C11orf65: variants seen among roughly 807,000 people sequenced by gnomAD.
The protein encoded by C11orf65 is protein MFI.
Under a neutral mutation model 35.3 loss-of-function variants are expected in C11orf65, and 38 were observed. The ratio of observed to expected loss-of-function variants is 1.08; its 90% CI spans 0.83 to 1.41. C11orf65 has a LOEUF of 1.41. Ranked by LOEUF, C11orf65 falls within the 40% of genes most tolerant of loss-of-function variation. The pLI is 0.00. For missense variants in C11orf65, 370 were observed against 367.1 expected, an observed-to-expected ratio of 1.01 and a Z score of -0.06; for synonymous variants, 105 against 114.4, an observed-to-expected ratio of 0.92 and a Z score of 0.53.
chr11:108,402,403 T>G lies in C11orf65; in HGVS notation c.560+3026A>C, dbSNP rs2092454835. Among the ~76,000 whole-genome samples, 8 of 152,276 alleles carry G rather than the reference T, an allele frequency of 5.3e-5. No individual in the cohort carries two copies. The South Asian group carries it at 1.7e-3, about 32-fold the overall frequency. On this transcript the variant is annotated intron_variant, in intron 6 of 8. Coordinates refer to ENST00000393084, the MANE Select transcript of C11orf65 (RefSeq NM_152587.5). Reference sequence around the variant, plus strand: ...TGCCCTTATCTTAGTGCAAAAGACCTGGCAGAGTTAAGCATTTGGTAGTAC... The same window carrying G: ...TGCCCTTATCTTAGTGCAAAAGACCGGGCAGAGTTAAGCATTTGGTAGTAC...
At chr11:108,430,566 G>T (rs1232288755) in intron 3 of C11orf65, among the ~76,000 whole-genome samples, 2 of 152,002 alleles carry the variant, frequency 1.3e-5, no homozygotes, top group Admixed American at 1.3e-4. Context: ...AGACCAATAA[G>T]GGTACGGTGG....
rs185574693 is a variant in C11orf65, at chr11:108,419,298, G to A, written c.175-12149C>T. On this transcript the variant is annotated intron_variant, in intron 3 of 8. Transcript: ENST00000393084. Reference sequence around the variant, plus strand: ...ACCAAAATGTACCTATTCTAGGAACGCTAAGACGATTTAACATTCAAACAA... The same window carrying A: ...ACCAAAATGTACCTATTCTAGGAACACTAAGACGATTTAACATTCAAACAA... Among the ~76,000 whole-genome samples, 29 of 152,254 alleles carry A rather than the reference G, an allele frequency of 1.9e-4. No homozygotes were observed. The East Asian group carries it at 4.4e-3, about 23-fold the overall frequency.
intron 6 of C11orf65, among the ~76,000 whole-genome samples, chr11:108,403,411 T>G (rs868703091): frequency 2.8e-3 from 396 of 143,318 alleles, no homozygotes; most frequent in Middle Eastern, 0.026. Flanking sequence ...TTTGAGAGGT[T>G]TTTTTTTTGT....
At chr11:108,461,181 C>T (rs2093469608) in intron 2 of C11orf65, among the ~76,000 whole-genome samples, 1 of 152,122 alleles carries the variant, frequency 6.6e-6, no homozygotes. Context: ...GAGGGTGGAT[C>T]ACCTGAAGTC....
chr11:108,394,179 CAAAAA>C (rs11387098), intron 6 of C11orf65, among the ~76,000 whole-genome samples: 1 of 82,656 alleles, frequency 1.2e-5, no homozygotes, highest in Non-Finnish European at 2.1e-5. Context: ...GACTCCATCT[CAAAAA>C]AAAAAAAAAA....
intron 3 of C11orf65, among the ~76,000 whole-genome samples, chr11:108,425,613 T>C (rs757223821): frequency 2.0e-5 from 3 of 151,984 alleles, no homozygotes; most frequent in Non-Finnish European, 2.9e-5. Context: ...TTCCAAACAA[T>C]AGAAAAAGAG....
Position 108,406,971 on chromosome 11 carries a change from A to C in C11orf65, c.229-8T>G. 1 of 1,598,288 alleles carries C rather than the reference A, an allele frequency of 6.3e-7. No homozygotes were observed. ...ATCAGGTGGAAATTTAACCTGTAGA[A>C]GGAAAAGTTCAAAGAGCCATTGTAA... On this transcript the variant is annotated splice_polypyrimidine_tract_variant and splice_region_variant and intron_variant, in intron 4 of 8. Transcript: ENST00000393084.
intron 2 of C11orf65, among the ~76,000 whole-genome samples, chr11:108,440,434 G>A (rs1392009127): frequency 6.6e-6 from 1 of 152,170 alleles, no homozygotes; most frequent in African/African-American, 2.4e-5. Context: ...TGGCTCAAGT[G>A]GGGCCCAATA....
chr11:108,347,447 C>A, intron 2 of C11orf65: 1 of 1,143,614 alleles, frequency 8.7e-7, no homozygotes, highest in Non-Finnish European at 1.3e-6. Context: ...CAAGATATTA[C>A]AAATATAAGA....
intron 6 of C11orf65, among the ~76,000 whole-genome samples, chr11:108,400,180 C>G (rs2092412012): frequency 1.3e-5 from 2 of 152,180 alleles, no homozygotes; most frequent in Admixed American, 1.3e-4. Context: ...TACATTAGCT[C>G]TCAAATCGAG....
At chr11:108,399,806 T>C (rs75891865) in intron 6 of C11orf65, among the ~76,000 whole-genome samples, 2,094 of 152,294 alleles carry the variant, frequency 0.014, 48 homozygotes, top group African/African-American at 0.047. Flanking sequence ...TCCATGATCA[T>C]AGCACTTGGT....
chr11:108,335,056 A>G lies in C11orf65; in HGVS notation c.299+164T>C, dbSNP rs758588019. ...CTTAGCAGGAGGTGTAAATTTACCA[A>G]AAATAATAGATTGTGTAGGTTCCGA... is the stretch of plus-strand genomic sequence containing the variant. On this transcript the variant is annotated intron_variant, in intron 3 of 3. Coordinates refer to the C11orf65 transcript ENST00000524755. 2 of 1,614,012 alleles carry G rather than the reference A, an allele frequency of 1.2e-6. No homozygotes were observed. The highest frequency in any genetic ancestry group is 1.7e-6 in the Non-Finnish European group (2 of 1,180,020).
intron 2 of C11orf65, among the ~76,000 whole-genome samples, chr11:108,373,387 T>C (rs227087): frequency 0.54 from 81,672 of 152,068 alleles, 22,535 homozygotes; most frequent in Middle Eastern, 0.74. Context: ...TCATATTTAA[T>C]GATGAAAACC....
intron 6 of C11orf65, among the ~76,000 whole-genome samples, chr11:108,394,924 A>C (rs951153238): frequency 1.6e-4 from 25 of 152,046 alleles, no homozygotes; most frequent in African/African-American, 4.8e-4. Flanking sequence ...TGAAGCCAGA[A>C]GTTTAAGAAC....
chr11:108,352,770 A>G (rs1424097146), intron 2 of C11orf65, among the ~76,000 whole-genome samples: 1 of 152,254 alleles, frequency 6.6e-6, no homozygotes, highest in Non-Finnish European at 1.5e-5. Flanking sequence ...AATTTGGATG[A>G]ATCTCCAGAG....
chr11:108,408,441 G>A (rs747745296), intron 3 of C11orf65, among the ~76,000 whole-genome samples: 4 of 151,918 alleles, frequency 2.6e-5, no homozygotes, highest in African/African-American at 9.7e-5. Flanking sequence ...TTGGGAAGCC[G>A]AGGAGGGTGG....
chr11:108,314,544 A>G lies in C11orf65; in HGVS notation c.641-5473T>C, dbSNP rs1049099669. On this transcript the variant is annotated intron_variant, in intron 6 of 6. Coordinates refer to the C11orf65 transcript ENST00000525729. ...ATTGTAGGCAATTCTTCTCGGGTAG[A>G]CTACAGTCCTCCTGTTGTCTAGGAC... Among the ~76,000 whole-genome samples the G allele has an allele frequency of 8.6e-5, 13 of 151,922 alleles. No individual in the cohort carries two copies. The East Asian group carries it at 2.5e-3, about 29-fold the overall frequency.
chr11:108,311,637 G>A (rs1302615342), intron 6 of C11orf65, among the ~76,000 whole-genome samples: 1 of 152,018 alleles, frequency 6.6e-6, no homozygotes, highest in Non-Finnish European at 1.5e-5. Context: ...GGGAGAGGCT[G>A]CAGTGAGCCA....
intron 3 of C11orf65, among the ~76,000 whole-genome samples, chr11:108,418,367 C>T (rs2092770535): frequency 2.0e-5 from 3 of 152,004 alleles, no homozygotes; most frequent in African/African-American, 7.2e-5. Flanking sequence ...AAGTACAGCA[C>T]AATCAAGATA....
Sources: allele counts gnomAD v4.1 joint callset (sites outside exome capture counted in the v4.1 genomes callset), GRCh38; gene constraint gnomAD v4.1.1; transcripts MANE v1.5; gene names NCBI Gene and HGNC (gene_info 2026-07-23, HGNC 2026-07-21).